APBA2: variants seen among roughly 807,000 people sequenced by gnomAD.
APBA2 encodes the protein amyloid beta precursor protein binding family A member 2.
APBA2 carries 30 observed loss-of-function variants against 75.0 expected under a neutral mutation model. The observed-to-expected ratio is 0.40, with a 90% CI of 0.30 to 0.54. The LOEUF is 0.54. APBA2 is among the 20% of genes least tolerant of loss of function. APBA2 has a pLI of 0.49. For synonymous variants in APBA2, 444 were observed against 409.6 expected (o/e 1.08, Z -1.01); for missense variants, 801 against 1,016.1 (o/e 0.79, Z 2.88).
chr15:29,077,706 C>T (rs893218009), intron 6 of APBA2, among the ~76,000 whole-genome samples: 2 of 152,178 alleles, frequency 1.3e-5, no homozygotes, highest in Admixed American at 6.5e-5. Context: ...TGTGGAAAAC[C>T]TGAATTTATA....
In APBA2 at chr15:28,898,902, T is replaced by C. The variant is rs575262038; in HGVS notation, c.-205+12624T>C. ...ATATTTTCTAAGTGAGATCAGGGTATGTAAACCCGAGTAGGACGCTAAGAT... is the reference window on the plus strand; with the variant it reads ...ATATTTTCTAAGTGAGATCAGGGTACGTAAACCCGAGTAGGACGCTAAGAT... On this transcript the variant is annotated intron_variant, in intron 1 of 14. Transcript: ENST00000683413. 1.4e-4 allele frequency among the ~76,000 whole-genome samples: 22 copies of C among 152,366 alleles called. No individual in the cohort carries two copies. The South Asian group carries it at 3.7e-3, about 26-fold the overall frequency.
At chr15:29,005,518 T>C (rs1355131281) in intron 3 of APBA2, among the ~76,000 whole-genome samples, 1 of 152,132 alleles carries the variant, frequency 6.6e-6, no homozygotes, top group East Asian at 1.9e-4. Context: ...CTCCTTGGCC[T>C]CCGAAAGTGC....
chr15:28,993,031 G>A (rs1465610100), intron 2 of APBA2, among the ~76,000 whole-genome samples: 1 of 152,204 alleles, frequency 6.6e-6, no homozygotes, highest in African/African-American at 2.4e-5. Context: ...TGGAGGGGCA[G>A]GAAGAGGATG....
At chr15:29,087,948 C>T (rs1420488086) in intron 6 of APBA2, among the ~76,000 whole-genome samples, 1 of 152,200 alleles carries the variant, frequency 6.6e-6, no homozygotes, top group Non-Finnish European at 1.5e-5. Context: ...CTTTTGACCA[C>T]GTCTGTCCCA....
intron 1 of APBA2, among the ~76,000 whole-genome samples, chr15:28,896,396 C>T (rs1045768786): frequency 1.3e-5 from 2 of 152,208 alleles, no homozygotes; most frequent in African/African-American, 4.8e-5. Context: ...TCTCCTGCCT[C>T]AGCCTCCCCA....
At chr15:29,016,809 C>T (rs972527629) in intron 3 of APBA2, among the ~76,000 whole-genome samples, 1 of 152,122 alleles carries the variant, frequency 6.6e-6, no homozygotes, top group Non-Finnish European at 1.5e-5. Flanking sequence ...TCCTTCTTTG[C>T]CTGCTTCTCC....
chr15:29,000,439 T>G (rs894186146), intron 3 of APBA2, among the ~76,000 whole-genome samples: 1 of 152,184 alleles, frequency 6.6e-6, no homozygotes, highest in South Asian at 2.1e-4. Context: ...AACCCCTGGA[T>G]GTAGGCACAC....
chr15:29,048,034 G>A (rs981146146), intron 3 of APBA2, among the ~76,000 whole-genome samples: 1 of 152,120 alleles, frequency 6.6e-6, no homozygotes, highest in East Asian at 1.9e-4. Flanking sequence ...TGGGTAAAAA[G>A]ACTCAGTATT....
rs57446098 is a variant in APBA2, at chr15:29,045,103, C to CTCTCTCTCTT, written c.-40-8742_-40-8741insTCTCTCTCTT. On this transcript the variant is annotated intron_variant, in intron 3 of 14. Transcript: ENST00000683413. ...TCTCTCTCTCTCTCTCTCTCTCTCT[C>CTCTCTCTCTT]GTCTCGCACTGTCACCTGGGCTGGA... 8.0e-3 allele frequency among the ~76,000 whole-genome samples: 1,116 copies of CTCTCTCTCTT among 140,376 alleles called. 32 individuals are homozygous for CTCTCTCTCTT. Among genetic ancestry groups the CTCTCTCTCTT allele is most frequent in the African/African-American group, 0.01 (370 of 36,522 alleles). 92.1% of individuals were successfully genotyped at this position (140,376 alleles called of 152,430 possible).
In APBA2 at chr15:28,970,894, G is replaced by A. The variant is rs73368753; in HGVS notation, c.-94-24859G>A. On this transcript the variant is annotated intron_variant, in intron 2 of 14. Coordinates refer to ENST00000683413, the MANE Select transcript of APBA2 (RefSeq NM_001353788.2). ...CTTTGCCATGCACACACCCGTATGT[G>A]TGCCCATGTGTGTGCACACAGACAC... Among the ~76,000 whole-genome samples the A allele has an allele frequency of 1.2e-3, 179 of 152,260 alleles. 1 individual carries two copies. The highest frequency in any genetic ancestry group is 4.1e-3 in the African/African-American group (170 of 41,552).
intron 2 of APBA2, among the ~76,000 whole-genome samples, chr15:28,969,128 T>TTTCTTTCTTTCTTTCTTTCTTTCTTTC (rs1595597095): frequency 5.1e-5 from 7 of 137,142 alleles, no homozygotes; most frequent in East Asian, 2.1e-4. Flanking sequence ...TTTCATTTCT[T>TTTCTTTCTTTCTTTCTTTCTTTCTTTC]TTTCTTTCTT....
intron 3 of APBA2, among the ~76,000 whole-genome samples, chr15:29,003,132 T>G (rs2152804207): frequency 6.7e-6 from 1 of 150,226 alleles, no homozygotes; most frequent in East Asian, 2.0e-4. Context: ...CTGGCAGGTC[T>G]TTGTTGGAGG....
At chr15:28,949,778 T>C (rs1037461731) in intron 2 of APBA2, among the ~76,000 whole-genome samples, 12 of 152,198 alleles carry the variant, frequency 7.9e-5, no homozygotes, top group African/African-American at 2.9e-4. Context: ...CTCTTGTTGT[T>C]GTTAGTAAAC....
chr15:29,106,916 T>TCA, intron 12 of APBA2, 97 bp downstream of exon 12: 1 of 1,197,634 alleles, frequency 8.3e-7, no homozygotes. Context: ...AATCCCCACT[T>TCA]CACCCATGGG....
In APBA2 at chr15:29,091,254, CAGTT is replaced by C. The variant is rs1355762044; in HGVS notation, c.1070-1818_1070-1815del. Among the ~76,000 whole-genome samples the C allele has an allele frequency of 2.6e-5, 4 of 152,230 alleles. No individual in the cohort carries two copies. In the East Asian group the frequency reaches 5.8e-4, roughly 22 times the overall value. On this transcript the variant is annotated intron_variant, in intron 6 of 14. Transcript: ENST00000683413. ...GTGGGAGGACCCCATTGATAGGACT[CAGTT>C]AGATGCACAGGGGAGGGATGGGGGT...
intron 3 of APBA2, among the ~76,000 whole-genome samples, chr15:29,031,880 C>T (rs190212384): frequency 3.8e-4 from 58 of 152,336 alleles, no homozygotes; most frequent in Non-Finnish European, 6.6e-4. Context: ...CAGCTGGCTT[C>T]ACCTCTCACA....
chr15:29,069,325 G>C (rs1259703218), intron 4 of APBA2, among the ~76,000 whole-genome samples: 1 of 152,240 alleles, frequency 6.6e-6, no homozygotes, highest in Non-Finnish European at 1.5e-5. Flanking sequence ...GACCATATGT[G>C]TACAAGCTTT....
intron 3 of APBA2, among the ~76,000 whole-genome samples, chr15:29,025,080 G>A (rs981445468): frequency 1.3e-5 from 2 of 152,144 alleles, no homozygotes; most frequent in Non-Finnish European, 2.9e-5. Flanking sequence ...AAGCGGTGGT[G>A]TATGCATTCT....
intron 3 of APBA2, among the ~76,000 whole-genome samples, chr15:29,053,244 C>T (rs562855070): frequency 3.9e-5 from 6 of 152,272 alleles, no homozygotes; most frequent in South Asian, 2.1e-4. Flanking sequence ...CAGCCTGCCA[C>T]GCTGGGGACT....
Sources: gnomAD v4.1 joint callset for allele counts (sites outside exome capture counted in the v4.1 genomes callset) on GRCh38, gnomAD v4.1.1 for gene constraint, MANE v1.5 for transcripts, NCBI Gene and HGNC (gene_info 2026-07-23, HGNC 2026-07-21) for gene names.